FSIP1: variants seen among roughly 807,000 people sequenced by gnomAD.
FSIP1 encodes the protein fibrous sheath interacting protein 1.
In FSIP1, 65 loss-of-function variants were observed where a neutral mutation model predicts 60.9. The ratio of observed to expected loss-of-function variants is 1.07; its 90% CI spans 0.87 to 1.31. The LOEUF is 1.31. Among genes scored for constraint, FSIP1 ranks in the 40% most tolerant of loss-of-function variants. FSIP1 has a pLI of 0.00. For synonymous variants in FSIP1, 209 were observed against 221.2 expected (o/e 0.94, Z 0.49); for missense variants, 675 against 665.5 (o/e 1.01, Z -0.16).
At chr15:39,688,856 C>T (rs906482410) in intron 10 of FSIP1, among the ~76,000 whole-genome samples, 3 of 152,092 alleles carry the variant, frequency 2.0e-5, no homozygotes, top group Non-Finnish European at 2.9e-5. Context: ...GAGCCCACCA[C>T]TGGAAAAATT....
intron 10 of FSIP1, among the ~76,000 whole-genome samples, chr15:39,631,628 G>A (rs990888815): frequency 4.6e-5 from 7 of 152,132 alleles, no homozygotes; most frequent in East Asian, 1.9e-4. Context: ...ATGCCCAAGC[G>A]TAATAAAAAG....
intron 7 of FSIP1, 124 bp downstream of exon 7, chr15:39,739,540 AC>A: frequency 1.2e-6 from 1 of 863,138 alleles, no homozygotes; most frequent in South Asian, 1.7e-5. Flanking sequence ...CATTATATCT[AC>A]TAATTCAATC....
At chr15:39,731,414 T>TA (rs1422968968) in intron 8 of FSIP1, among the ~76,000 whole-genome samples, 1 of 152,126 alleles carries the variant, frequency 6.6e-6, no homozygotes, top group Non-Finnish European at 1.5e-5. Flanking sequence ...GCCTAAATGA[T>TA]AAAAAATAAA....
intron 10 of FSIP1, among the ~76,000 whole-genome samples, chr15:39,625,007 C>T (rs774764472): frequency 6.6e-6 from 1 of 152,162 alleles, no homozygotes; most frequent in African/African-American, 2.4e-5. Flanking sequence ...AGCTCTGAAG[C>T]GAGGTCATGA....
At chr15:39,692,925 C>T (rs1038890652) in intron 10 of FSIP1, among the ~76,000 whole-genome samples, 1 of 152,228 alleles carries the variant, frequency 6.6e-6, no homozygotes, top group African/African-American at 2.4e-5. Context: ...GGCACTGCAG[C>T]CCTGGAAACC....
chr15:39,764,954 T>C (rs1034550073), intron 4 of FSIP1, among the ~76,000 whole-genome samples: 125 of 152,310 alleles, frequency 8.2e-4, no homozygotes, highest in African/African-American at 2.9e-3. Context: ...CACCCCTTCC[T>C]ATTCCAGAGA....
At chr15:39,776,218 G>A (rs1001453028) in intron 2 of FSIP1, among the ~76,000 whole-genome samples, 181 bp downstream of exon 2, 3 of 139,756 alleles carry the variant, frequency 2.1e-5, no homozygotes, top group African/African-American at 5.3e-5. Context: ...GGGAGGGAGG[G>A]AAGGAATGGA....
chr15:39,694,797 A>C (rs1566888592), intron 10 of FSIP1, among the ~76,000 whole-genome samples: 2 of 152,106 alleles, frequency 1.3e-5, no homozygotes, highest in East Asian at 3.8e-4. Context: ...CTCAAAAAAA[A>C]TAAACAAACA....
intron 10 of FSIP1, among the ~76,000 whole-genome samples, chr15:39,684,271 C>A (rs1003894510): frequency 2.0e-5 from 3 of 152,054 alleles, no homozygotes; most frequent in African/African-American, 7.2e-5. Context: ...TCATCATAAA[C>A]AATTTTTAAA....
intron 10 of FSIP1, among the ~76,000 whole-genome samples, chr15:39,636,750 A>C (rs999246333): frequency 2.0e-5 from 3 of 152,376 alleles, no homozygotes; most frequent in African/African-American, 7.2e-5. Flanking sequence ...GACAACTTGC[A>C]TTACTGCATT....
intron 10 of FSIP1, among the ~76,000 whole-genome samples, chr15:39,619,662 T>C (rs1205995289): frequency 1.3e-5 from 2 of 152,224 alleles, no homozygotes; most frequent in Admixed American, 6.5e-5. Flanking sequence ...CACCCTACTA[T>C]GGAAACCTAG....
chr15:39,692,952 G>A (rs1051269163), intron 10 of FSIP1, among the ~76,000 whole-genome samples: 1 of 152,216 alleles, frequency 6.6e-6, no homozygotes, highest in Non-Finnish European at 1.5e-5. Flanking sequence ...CAAGGCAGAA[G>A]GGGCTGAGTT....
chr15:39,766,742 T>C (rs1897702977), intron 3 of FSIP1, among the ~76,000 whole-genome samples: 1 of 152,234 alleles, frequency 6.6e-6, no homozygotes, highest in Non-Finnish European at 1.5e-5. Flanking sequence ...GATTAGATCA[T>C]TAGAAGTGGC....
chr15:39,729,546 C>A (rs1896324691), intron 8 of FSIP1, among the ~76,000 whole-genome samples: 1 of 152,020 alleles, frequency 6.6e-6, no homozygotes, highest in African/African-American at 2.4e-5. Flanking sequence ...TGCACTCCAA[C>A]CTGGGTGACA....
At chr15:39,748,354 G>A (rs1897061926) in intron 5 of FSIP1, among the ~76,000 whole-genome samples, 3 of 152,148 alleles carry the variant, frequency 2.0e-5, no homozygotes, top group Admixed American at 2.0e-4. Context: ...TCTCCACAGA[G>A]AGAAACAGTC....
chr15:39,741,280 T>C (rs1404351518), intron 6 of FSIP1, among the ~76,000 whole-genome samples: 1 of 152,224 alleles, frequency 6.6e-6, no homozygotes, highest in Non-Finnish European at 1.5e-5. Context: ...TGGCCAGAAC[T>C]GTCTTCACTG....
chr15:39,613,039 G>GAAGAC (rs1183809112), intron 11 of FSIP1, among the ~76,000 whole-genome samples: 3 of 151,924 alleles, frequency 2.0e-5, no homozygotes, highest in African/African-American at 7.2e-5. Flanking sequence ...AGAAGAATAT[G>GAAGAC]AAGACAATTT....
chr15:39,646,343 C>G (rs1318029169), intron 10 of FSIP1, among the ~76,000 whole-genome samples: 2 of 151,684 alleles, frequency 1.3e-5, no homozygotes, highest in Non-Finnish European at 2.9e-5. Flanking sequence ...GACAAGAACT[C>G]GGGCAAAGGT....
intron 9 of FSIP1, among the ~76,000 whole-genome samples, chr15:39,724,946 G>A (rs1240481615): frequency 1.3e-5 from 2 of 152,020 alleles, no homozygotes; most frequent in Non-Finnish European, 2.9e-5. Flanking sequence ...AAAGTCCTGG[G>A]ATACGGCCGG....
Sources: allele counts gnomAD v4.1 joint callset (sites outside exome capture counted in the v4.1 genomes callset), GRCh38; gene constraint gnomAD v4.1.1; transcripts MANE v1.5; gene names NCBI Gene and HGNC (gene_info 2026-07-23, HGNC 2026-07-21).